The following ABCG5 variants were observed in gnomAD, a reference collection of about 807,000 sequenced individuals.
ABCG5 encodes ATP binding cassette subfamily G member 5.
A neutral mutation model predicts 64.5 loss-of-function variants in ABCG5; 64 were observed. The observed-to-expected ratio is 0.99, with a 90% CI of 0.81 to 1.22. ABCG5 has a LOEUF of 1.22. Among genes scored for constraint, ABCG5 ranks in the 50% most tolerant of loss-of-function variants. The pLI is 0.00. For missense variants in ABCG5, 908 were observed against 829.5 expected (o/e 1.09, Z -1.16); for synonymous variants, 385 against 326.3 (o/e 1.18, Z -1.94).
At position 43,819,933 on chromosome 2, in the gene ABCG5, A is replaced by ACAAGCACC. The variant is rs1478474801; in HGVS notation, c.1623_1630dup (p.Val544GlyfsTer36). The ACAAGCACC allele has an allele frequency of 6.2e-7, 1 of 1,614,150 alleles. No individual in the cohort carries two copies. ...ATCTTACCTGAGGAATCCAGATCCA[A>ACAAGCACC]CAAGCACCCCCGCAATGGACAGCAG... On this transcript the variant is annotated frameshift_variant, in exon 11 of 13. Coordinates refer to ENST00000405322, the MANE Select transcript of ABCG5 (RefSeq NM_022436.3). LOFTEE classifies it high-confidence loss of function.
intron 9 of ABCG5, 50 bp downstream of exon 9, chr2:43,823,856 TGGAGAAG>T: frequency 6.3e-7 from 1 of 1,584,132 alleles, no homozygotes; most frequent in East Asian, 2.2e-5. Flanking sequence ...AGGTTACAGC[TGGAGAAG>T]GGAGGTATTT....
At chr2:43,820,839 A>G (rs562910655) in intron 10 of ABCG5, among the ~76,000 whole-genome samples, 1 of 152,208 alleles carries the variant, frequency 6.6e-6, no homozygotes, top group African/African-American at 2.4e-5. Context: ...TATTTAGTAG[A>G]GATGGGGTTT....
intron 10 of ABCG5, 131 bp downstream of exon 10, chr2:43,822,666 C>G (rs1667307879): frequency 1.3e-6 from 2 of 1,555,272 alleles, no homozygotes; most frequent in East Asian, 4.8e-5. Flanking sequence ...CGACATTGCA[C>G]TAGACACTGA....
At chr2:43,822,715 C>G (rs1667313048) in intron 10 of ABCG5, 82 bp downstream of exon 10, 1 of 1,449,704 alleles carries the variant, frequency 6.9e-7, no homozygotes, top group African/African-American at 1.7e-5. Flanking sequence ...AGAACTTCAC[C>G]CTGGAGCTCT....
At position 43,824,051 on chromosome 2, in the gene ABCG5, T is replaced by A. The variant is rs1667431096; in HGVS notation, c.1186A>T (p.Met396Leu). The change falls in exon 9 of 13, where the codon ATG becomes TTG. Residue 396 changes from methionine to leucine, a missense_variant. Coordinates refer to ENST00000405322, the MANE Select transcript of ABCG5 (RefSeq NM_022436.3). ...ACGAAGAAAAGGAGGAACAAACCCA[T>A]GATCAGATTCTGAAGGAGACGCGTA... Reference protein sequence around the residue: ...VITRLLQNLIMGLFLLFFVLR... With the variant: ...VITRLLQNLILGLFLLFFVLR... 2.5e-6 allele frequency: 4 copies of A among 1,614,102 alleles called. No individual in the cohort carries two copies. Among genetic ancestry groups the A allele is most frequent in the African/African-American group, 2.7e-5 (2 of 74,934 alleles).
chr2:43,806,574 T>C, the ABCG5 span, among the ~76,000 whole-genome samples: 1 of 152,230 alleles, frequency 6.6e-6, no homozygotes, highest in Non-Finnish European at 1.5e-5. Flanking sequence ...GCAGCCTGGC[T>C]ATAAGGATTA....
At chr2:43,818,726 T>A (rs1667004860) in intron 11 of ABCG5, among the ~76,000 whole-genome samples, 1 of 152,134 alleles carries the variant, frequency 6.6e-6, no homozygotes, top group Non-Finnish European at 1.5e-5. Context: ...TGTGAAAAAA[T>A]ATCCTCCTTG....
At chr2:43,839,034 GTC>G (rs1468510636), upstream of ABCG5, 3 of 1,550,656 alleles carry the variant, frequency 1.9e-6, no homozygotes, top group East Asian at 7.3e-5. Flanking sequence ...GCAGCCCAGG[GTC>G]ACAGACCTGT....
chr2:43,838,532 C>T lies in ABCG5; in HGVS notation c.143+5G>A, dbSNP rs770811436. 1 of 1,598,132 alleles carries T rather than the reference C, an allele frequency of 6.3e-7. No homozygotes were observed. The highest frequency in any genetic ancestry group is 8.5e-7 in the Non-Finnish European group (1 of 1,173,124). On this transcript the variant is annotated splice_donor_5th_base_variant and intron_variant, in intron 1 of 12. Coordinates refer to ENST00000405322, the MANE Select transcript of ABCG5 (RefSeq NM_022436.3). This position sits in a 1 kb window ranked among gnomAD's most constrained non-coding sequence, Gnocchi z 4.2. ...GGAGCAGCAGCAGCAAGGGCTCTGC[C>T]TTACCTGACGCTGTAGGAGGCATGG...
intron 2 of ABCG5, among the ~76,000 whole-genome samples, chr2:43,836,816 C>T (rs1004035070): frequency 5.9e-5 from 9 of 151,946 alleles, no homozygotes; most frequent in Non-Finnish European, 1.3e-4. Flanking sequence ...ATGTTTAATT[C>T]CTTAAAAAAG....
intron 4 of ABCG5, 35 bp from the exon 5 acceptor site, chr2:43,828,150 T>G: frequency 6.2e-7 from 1 of 1,612,814 alleles, no homozygotes; most frequent in Non-Finnish European, 8.5e-7. Flanking sequence ...AGGCTGGGAG[T>G]CTCTGTGGCT....
intron 12 of ABCG5, among the ~76,000 whole-genome samples, chr2:43,814,102 A>G (rs1479195874): frequency 1.3e-5 from 2 of 152,168 alleles, no homozygotes; most frequent in African/African-American, 4.8e-5. Flanking sequence ...TGCCAAAAGT[A>G]GCTTTATTTA....
In ABCG5 at chr2:43,838,049, C is replaced by T. The variant is rs896576924; in HGVS notation, c.144-94G>A. 1.9e-6 allele frequency: 3 copies of T among 1,550,116 alleles called. No individual in the cohort carries two copies. Among genetic ancestry groups the T allele is most frequent in the Non-Finnish European group, 2.7e-6 (3 of 1,129,538 alleles). ...GCATTGATCCTACCTGTGCCCCACCCCAGTAGTCTCCGGACAGGCTCCTAA... is the reference window on the plus strand; with the variant it reads ...GCATTGATCCTACCTGTGCCCCACCTCAGTAGTCTCCGGACAGGCTCCTAA... On this transcript the variant is annotated intron_variant, in intron 1 of 12. Coordinates refer to ENST00000405322, the MANE Select transcript of ABCG5 (RefSeq NM_022436.3). This position sits in a 1 kb window ranked among gnomAD's most constrained non-coding sequence, Gnocchi z 4.2.
At chr2:43,829,977 C>G (rs1199956109) in intron 4 of ABCG5, among the ~76,000 whole-genome samples, 1 of 152,174 alleles carries the variant, frequency 6.6e-6, no homozygotes, top group Admixed American at 6.5e-5. Flanking sequence ...TATTCTGGAA[C>G]AAAAGAAAGC....
intron 9 of ABCG5, 22 bp from the exon 10 acceptor site, chr2:43,822,957 C>T (rs1421880075): frequency 1.2e-6 from 2 of 1,612,808 alleles, no homozygotes; most frequent in Non-Finnish European, 1.7e-6. Context: ...AGGCAGGTTT[C>T]AGAACAGTCA....
intron 4 of ABCG5, among the ~76,000 whole-genome samples, chr2:43,829,639 C>G (rs72796727): frequency 6.6e-6 from 1 of 152,182 alleles, no homozygotes; most frequent in Admixed American, 6.5e-5. Flanking sequence ...CTGTTTCTGT[C>G]CCCCTGTACT....
chr2:43,810,267 C>G, downstream of ABCG5: 1 of 742,740 alleles, frequency 1.3e-6, no homozygotes, highest in Admixed American at 6.3e-5. Context: ...CCCAGGTCCC[C>G]ACACCTAGAG....
chr2:43,819,685 A>G (rs1281233755), intron 11 of ABCG5, among the ~76,000 whole-genome samples: 1 of 152,188 alleles, frequency 6.6e-6, no homozygotes, highest in African/African-American at 2.4e-5. Flanking sequence ...GAATCATATC[A>G]TAACATAAAC....
chr2:43,835,205 C>T (rs1668188960), intron 2 of ABCG5, among the ~76,000 whole-genome samples: 1 of 151,132 alleles, frequency 6.6e-6, no homozygotes, highest in Non-Finnish European at 1.5e-5. Context: ...AAGAGCCCCT[C>T]CTGCTGTCCT....
Sources: allele counts gnomAD v4.1 joint callset (sites outside exome capture counted in the v4.1 genomes callset), GRCh38; gene constraint gnomAD v4.1.1; non-coding constraint Gnocchi (gnomAD v3.1); transcripts MANE v1.5; gene names NCBI Gene and HGNC (gene_info 2026-07-23, HGNC 2026-07-21).